AP3B1: variants seen among roughly 807,000 people sequenced by gnomAD.
AP3B1 encodes AP-3 complex subunit beta-1.
In AP3B1, 61 loss-of-function variants were observed where a neutral mutation model predicts 132.5. The observed-to-expected ratio is 0.46, with a 90% CI of 0.37 to 0.57. AP3B1 has a LOEUF of 0.57. Ranked by LOEUF, AP3B1 falls within the 20% of genes least tolerant of loss-of-function variation. AP3B1 has a pLI of 0.00. For synonymous variants in AP3B1, 388 were observed against 438.3 expected, an observed-to-expected ratio of 0.89 and a Z score of 1.43; for missense variants, 1,120 against 1,289.4, an observed-to-expected ratio of 0.87 and a Z score of 2.01.
intron 23 of AP3B1, among the ~76,000 whole-genome samples, chr5:78,034,798 G>A (rs1359853371): frequency 1.3e-5 from 2 of 151,810 alleles, no homozygotes; most frequent in African/African-American, 4.8e-5. Flanking sequence ...ACCTGTAATG[G>A]ACTTTGGGAG....
rs751309066 is a variant in AP3B1 at position 78,141,151 on chromosome 5, A to T, written c.1642T>A (p.Ser548Thr). Residue 548 changes from serine to threonine, a missense_variant, in exon 15 of 27, where the codon TCC (serine) becomes ACC (threonine). Ser to Thr is a moderately conservative substitution (Grantham distance 58). This residue lies in a region of AP3B1 where 906 missense variants were observed against 997.1 expected (regional missense o/e 0.91). Coordinates refer to ENST00000255194, the MANE Select transcript of AP3B1 (RefSeq NM_003664.5). Reference sequence around the variant, plus strand: ...TAACATTTGCCTCTCACCTGTTTGGAGTTGGTTAAATACAATTTTGCTCCC... The same window carrying T: ...TAACATTTGCCTCTCACCTGTTTGGTGTTGGTTAAATACAATTTTGCTCCC... ...NLGAKLYLTN[S>T]KQTKLLTQYI... The T allele has an allele frequency of 6.2e-7, 1 of 1,613,500 alleles. No individual in the cohort carries two copies. Among genetic ancestry groups the T allele is most frequent in the South Asian group, 1.1e-5 (1 of 91,064 alleles).
intron 22 of AP3B1, among the ~76,000 whole-genome samples, chr5:78,082,424 G>T (rs1268038984): frequency 6.6e-6 from 1 of 152,030 alleles, no homozygotes; most frequent in Non-Finnish European, 1.5e-5. Flanking sequence ...TTTGCCATTG[G>T]ACTAGATTTC....
intron 10 of AP3B1, 43 bp downstream of exon 10, chr5:78,175,741 G>C (rs767634109): frequency 6.2e-7 from 1 of 1,605,498 alleles, no homozygotes. Flanking sequence ...TGGTACTAAT[G>C]TGTTCATGTG....
chr5:78,254,443 A>G (rs1161720258), intron 2 of AP3B1, among the ~76,000 whole-genome samples: 1 of 152,226 alleles, frequency 6.6e-6, no homozygotes. Flanking sequence ...TCAAGGATAG[A>G]GAAAGGATCC....
intron 21 of AP3B1, among the ~76,000 whole-genome samples, chr5:78,097,323 G>C (rs1233097847): frequency 7.3e-6 from 1 of 136,084 alleles, no homozygotes; most frequent in Admixed American, 7.0e-5. Context: ...AGCCCCGTCC[G>C]GGAGGGAGGT....
intron 2 of AP3B1, among the ~76,000 whole-genome samples, chr5:78,263,039 GA>G (rs1449677394): frequency 6.6e-6 from 1 of 151,874 alleles, no homozygotes; most frequent in Non-Finnish European, 1.5e-5. Flanking sequence ...ATTTTAGGAT[GA>G]ATTTTTTTCT....
At chr5:78,273,874 G>GA (rs925340625) in intron 1 of AP3B1, among the ~76,000 whole-genome samples, 29 of 147,000 alleles carry the variant, frequency 2.0e-4, no homozygotes, top group Non-Finnish European at 3.2e-4. Context: ...TGCTTGGCTG[G>GA]AAAAAAAAAC....
chr5:78,148,030 T>C (rs987213951), intron 14 of AP3B1, among the ~76,000 whole-genome samples: 1 of 144,112 alleles, frequency 6.9e-6, no homozygotes, highest in Non-Finnish European at 1.5e-5. Context: ...AAGACTCCAT[T>C]AAAAAAAAAA....
In AP3B1 at chr5:78,216,108, T is replaced by C; in HGVS notation, c.733A>G (p.Ile245Val). Residue 245 changes from isoleucine to valine, a missense_variant, in exon 7 of 27, where the codon ATC (isoleucine) becomes GTC (valine). Coordinates refer to ENST00000255194, the MANE Select transcript of AP3B1 (RefSeq NM_003664.5). ...CGAGCATATCGAGTTAGCATGTGGA[T>C]TATGACAACCTGCCCCCACTCTTCA... The part of the protein sequence containing the change: ...DVEEWGQVVI[I>V]HMLTRYARTQ... 6.2e-7 allele frequency: 1 copy of C among 1,614,072 alleles called. No homozygotes were observed. The highest frequency in any genetic ancestry group is 8.5e-7 in the Non-Finnish European group (1 of 1,179,938).
intron 22 of AP3B1, among the ~76,000 whole-genome samples, chr5:78,039,522 T>A (rs1580269079): frequency 6.6e-6 from 1 of 152,252 alleles, no homozygotes; most frequent in East Asian, 1.9e-4. Flanking sequence ...ACGCCTGTAA[T>A]CCCAGCACTT....
chr5:78,007,648 C>A (rs1384144283), intron 26 of AP3B1, among the ~76,000 whole-genome samples: 1 of 152,048 alleles, frequency 6.6e-6, no homozygotes, highest in African/African-American at 2.4e-5. Context: ...ACATCAATAC[C>A]AAAGTATAGT....
At position 78,032,618 on chromosome 5, in the gene AP3B1, G is replaced by A. The variant is rs551262970; in HGVS notation, c.2894+1743C>T. 3.3e-5 allele frequency among the ~76,000 whole-genome samples: 5 copies of A among 151,990 alleles called. No homozygotes were observed. In the South Asian group the frequency reaches 1.0e-3, roughly 32 times the overall value. On this transcript the variant is annotated intron_variant, in intron 24 of 26. Coordinates refer to ENST00000255194, the MANE Select transcript of AP3B1 (RefSeq NM_003664.5). ...TTTTGGGCAGGCCAATCAAGAAAGTGAGTAATTGTGATTACACTGCTTCAG... is the reference window on the plus strand; with the variant it reads ...TTTTGGGCAGGCCAATCAAGAAAGTAAGTAATTGTGATTACACTGCTTCAG...
intron 25 of AP3B1, 169 bp from the exon 26 acceptor site, chr5:78,015,717 G>A (rs943577129): frequency 5.0e-5 from 33 of 659,106 alleles, no homozygotes; most frequent in African/African-American, 7.3e-5. Context: ...CAATTGTTTC[G>A]AAGTTTTTTA....
At chr5:78,146,008 A>G (rs893526888) in intron 14 of AP3B1, among the ~76,000 whole-genome samples, 2 of 152,226 alleles carry the variant, frequency 1.3e-5, no homozygotes, top group African/African-American at 4.8e-5. Context: ...GCAGTGTTTT[A>G]GAATGACACT....
intron 5 of AP3B1, among the ~76,000 whole-genome samples, chr5:78,225,930 A>C (rs960284313): frequency 6.6e-6 from 1 of 152,056 alleles, no homozygotes; most frequent in African/African-American, 2.4e-5. Flanking sequence ...ACTCTTTTCA[A>C]CTGGGAGGAA....
intron 7 of AP3B1, among the ~76,000 whole-genome samples, chr5:78,198,850 C>A (rs1032734062): frequency 6.6e-6 from 1 of 152,138 alleles, no homozygotes; most frequent in African/African-American, 2.4e-5. Flanking sequence ...AGATAATTCA[C>A]TGGAAAAAAA....
chr5:78,048,382 C>T (rs1292503411), intron 22 of AP3B1, among the ~76,000 whole-genome samples: 2 of 152,130 alleles, frequency 1.3e-5, no homozygotes, highest in Non-Finnish European at 2.9e-5. Flanking sequence ...ACTGTCAGCC[C>T]AACATGCCCT....
At chr5:78,016,219 C>T (rs548863718) in intron 25 of AP3B1, among the ~76,000 whole-genome samples, 1 of 152,156 alleles carries the variant, frequency 6.6e-6, no homozygotes, top group African/African-American at 2.4e-5. Flanking sequence ...AATGAAAACT[C>T]TTAAATCCCA....
intron 7 of AP3B1, among the ~76,000 whole-genome samples, chr5:78,202,406 C>T (rs1224992806): frequency 6.6e-6 from 1 of 152,092 alleles, no homozygotes; most frequent in East Asian, 1.9e-4. Flanking sequence ...GGCACTAACC[C>T]TCATAACATC....
Sources: allele counts gnomAD v4.1 joint callset (sites outside exome capture counted in the v4.1 genomes callset), GRCh38; gene constraint gnomAD v4.1.1; regional missense constraint gnomAD v4.1.1; transcripts MANE v1.5; gene names NCBI Gene and HGNC (gene_info 2026-07-23, HGNC 2026-07-21).